TMEM132C: variants seen among roughly 807,000 people sequenced by gnomAD.
TMEM132C encodes the protein protein phosphatase 1, regulatory subunit 152.
Under a neutral mutation model 61.4 loss-of-function variants are expected in TMEM132C, and 29 were observed. The ratio of observed to expected loss-of-function variants is 0.47; its 90% CI spans 0.35 to 0.64. TMEM132C has a LOEUF of 0.64. Among genes scored for constraint, TMEM132C ranks in the 30% least tolerant of loss-of-function variants. The probability of loss-of-function intolerance (pLI) is 0.00; values close to 1 mark genes in which losing one functional copy is unlikely to be tolerated. For missense variants in TMEM132C, 1,408 were observed against 1,476.9 expected, an observed-to-expected ratio of 0.95 and a Z score of 0.76; for synonymous variants, 656 against 633.1, an observed-to-expected ratio of 1.04 and a Z score of -0.54.
At chr12:128,639,783 A>G (rs914190754) in intron 4 of TMEM132C, among the ~76,000 whole-genome samples, 4 of 152,156 alleles carry the variant, frequency 2.6e-5, no homozygotes, top group Non-Finnish European at 5.9e-5. Flanking sequence ...GACATCTGGG[A>G]AAAACAAGAT....
Position 128,360,276 on chromosome 12 carries a change from A to C in TMEM132C, c.86-54456A>C, listed in dbSNP as rs796200141. On this transcript the variant is annotated intron_variant, in intron 1 of 8. Coordinates refer to ENST00000435159, the MANE Select transcript of TMEM132C (RefSeq NM_001136103.3). ...CACACACACACACACACACACACAC[A>C]CACACCCCAGGATAACAGAGAGAGA... is the stretch of plus-strand genomic sequence containing the variant. Among the ~76,000 whole-genome samples the C allele has an allele frequency of 3.6e-3, 477 of 133,996 alleles. 5 individuals carry two copies. Among genetic ancestry groups the C allele is most frequent in the African/African-American group, 0.012 (452 of 38,056 alleles). 87.9% of individuals were successfully genotyped at this position (133,996 alleles called of 152,430 possible).
intron 3 of TMEM132C, among the ~76,000 whole-genome samples, chr12:128,595,168 A>G (rs1205234912): frequency 1.3e-5 from 2 of 152,324 alleles, no homozygotes; most frequent in African/African-American, 4.8e-5. Context: ...TTTTTCTGGT[A>G]TCTGACTCTC....
At chr12:128,437,776 A>G (rs1331452887) in intron 2 of TMEM132C, 1 of 152,208 alleles carries the variant, frequency 6.6e-6, no homozygotes, top group Non-Finnish European at 1.5e-5. Context: ...ATTTCTGACT[A>G]GACTTGGAGT....
chr12:128,326,286 C>CT lies in TMEM132C; in HGVS notation c.85+58800dup, dbSNP rs1301980243. Among the ~76,000 whole-genome samples, 4 of 152,196 alleles carry CT rather than the reference C, an allele frequency of 2.6e-5. No individual in the cohort carries two copies. Among genetic ancestry groups the CT allele is most frequent in the Non-Finnish European group, 5.9e-5 (4 of 68,044 alleles). On this transcript the variant is annotated intron_variant, in intron 1 of 8. Transcript: ENST00000435159. The surrounding 1 kb of genome is among the most constrained non-coding windows in gnomAD (Gnocchi z 5.6). The stretch of plus-strand genomic sequence containing the variant: ...ACCATCACTCCATGAACCCCCCAGC[C>CT]TCCCTGGGCTCTTCTCCGTGTCCGA...
intron 4 of TMEM132C, among the ~76,000 whole-genome samples, chr12:128,660,862 G>C (rs1202527247): frequency 6.6e-6 from 1 of 152,156 alleles, no homozygotes; most frequent in East Asian, 1.9e-4. Context: ...AAAGAGGCTG[G>C]TAAAACAGCA....
At chr12:128,544,139 CTGGTCCCG>C (rs768371254) in intron 3 of TMEM132C, 36 bp downstream of exon 3, 1 of 1,471,904 alleles carries the variant, frequency 6.8e-7, no homozygotes, top group South Asian at 1.4e-5. Context: ...TGTGTGGTTC[CTGGTCCCG>C]GGCCCAGGCC....
At chr12:128,496,242 C>A (rs1173488699) in intron 2 of TMEM132C, among the ~76,000 whole-genome samples, 1 of 152,216 alleles carries the variant, frequency 6.6e-6, no homozygotes, top group African/African-American at 2.4e-5. Context: ...GTAACCCGAC[C>A]TTTCTCTTTG....
intron 5 of TMEM132C, among the ~76,000 whole-genome samples, chr12:128,686,951 A>G (rs749749922): frequency 5.9e-5 from 9 of 151,998 alleles, no homozygotes; most frequent in Non-Finnish European, 8.8e-5. Context: ...AATCCCAGCA[A>G]TTTAGGAGGC....
intron 2 of TMEM132C, among the ~76,000 whole-genome samples, chr12:128,505,639 C>T (rs1431628591): frequency 1.3e-5 from 2 of 152,206 alleles, no homozygotes; most frequent in Non-Finnish European, 2.9e-5. Flanking sequence ...CTAGGAGGCC[C>T]TCAATAGCCA....
At chr12:128,402,680 G>A (rs183522161) in intron 1 of TMEM132C, among the ~76,000 whole-genome samples, 188 of 152,322 alleles carry the variant, frequency 1.2e-3, no homozygotes, top group Non-Finnish European at 2.0e-3. Context: ...AGGGCAGGTG[G>A]AGGATGTGGA....
intron 1 of TMEM132C, among the ~76,000 whole-genome samples, chr12:128,300,844 C>T (rs1476264444): frequency 6.6e-6 from 1 of 152,144 alleles, no homozygotes; most frequent in African/African-American, 2.4e-5. Context: ...TCAACACCAG[C>T]CTGGGCAACA....
chr12:128,360,271 CACACACACA>C (rs779796079), intron 1 of TMEM132C, among the ~76,000 whole-genome samples: 1 of 151,712 alleles, frequency 6.6e-6, no homozygotes, highest in Non-Finnish European at 1.5e-5. Flanking sequence ...CACACACACA[CACACACACA>C]CCCCAGGATA....
rs59258589 is a variant in TMEM132C, at chr12:128,566,189, C to CAAAAAAAAAA, written c.1121+22095_1121+22104dup. On this transcript the variant is annotated intron_variant, in intron 3 of 8. Transcript: ENST00000435159. The stretch of plus-strand genomic sequence containing the variant: ...ATAGGCATGAGACACCAAGCCTAAC[C>CAAAAAAAAAA]AAAAAAAAAAAAAAAAAAGTTTTAA... 5.1e-3 allele frequency among the ~76,000 whole-genome samples: 344 copies of CAAAAAAAAAA among 67,700 alleles called. 8 individuals carry two copies. The highest frequency in any genetic ancestry group is 0.016 in the African/African-American group (321 of 19,942). 44.4% of individuals were successfully genotyped at this position (67,700 alleles called of 152,430 possible). A position where few individuals can be genotyped will look rare whatever the true frequency, so the allele number is the denominator to read the frequency against.
chr12:128,467,740 G>T (rs1272579833), intron 2 of TMEM132C, among the ~76,000 whole-genome samples: 1 of 152,146 alleles, frequency 6.6e-6, no homozygotes, highest in African/African-American at 2.4e-5. Flanking sequence ...CTCAGCTTCC[G>T]ATCAGCTGCA....
chr12:128,705,243 G>A lies in TMEM132C; in HGVS notation c.2275G>A (p.Val759Met). 6.4e-7 allele frequency: 1 copy of A among 1,551,682 alleles called. No homozygotes were observed. The highest frequency in any genetic ancestry group is 8.7e-7 in the Non-Finnish European group (1 of 1,147,000). ...QPRSPRWPVV[V>M]AEGEGQGPLI... is the part of the protein sequence containing the mutation. ...CCGCTCTCCCAGGTGGCCCGTTGTG[G>A]TGGCCGAAGGGGAAGGCCAGGGCCC... is the stretch of plus-strand genomic sequence containing the variant. Residue 759 changes from valine (V) to methionine (M), a missense_variant, in exon 9 of 9, where the codon GTG becomes ATG. Coordinates refer to ENST00000435159, the MANE Select transcript of TMEM132C (RefSeq NM_001136103.3).
intron 2 of TMEM132C, among the ~76,000 whole-genome samples, chr12:128,479,321 C>A (rs1293443186): frequency 6.6e-6 from 1 of 152,010 alleles, no homozygotes; most frequent in Admixed American, 6.5e-5. Context: ...CACAAGTTTA[C>A]CTATGTAACA....
chr12:128,584,921 G>A (rs148684041), intron 3 of TMEM132C, among the ~76,000 whole-genome samples: 3 of 152,266 alleles, frequency 2.0e-5, no homozygotes, highest in African/African-American at 4.8e-5. Context: ...AAGGTGCCAC[G>A]ACACCTCAAG....
At chr12:128,384,500 C>T (rs1042520381) in intron 1 of TMEM132C, among the ~76,000 whole-genome samples, 1 of 152,138 alleles carries the variant, frequency 6.6e-6, no homozygotes, top group East Asian at 1.9e-4. Context: ...CAAGGTCTGG[C>T]AGCAAAGTTT....
intron 8 of TMEM132C, among the ~76,000 whole-genome samples, chr12:128,704,181 A>T (rs1267787699): frequency 6.6e-6 from 1 of 152,218 alleles, no homozygotes; most frequent in Non-Finnish European, 1.5e-5. Context: ...AAATATTGCC[A>T]TTTGCAGCAA....
Sources: allele counts gnomAD v4.1 joint callset (sites outside exome capture counted in the v4.1 genomes callset), GRCh38; gene constraint gnomAD v4.1.1; non-coding constraint Gnocchi (gnomAD v3.1); transcripts MANE v1.5; gene names NCBI Gene and HGNC (gene_info 2026-07-23, HGNC 2026-07-21).